The following CSMD1 variants were observed in gnomAD, a reference collection of about 807,000 sequenced individuals.
The protein encoded by CSMD1 is CUB and sushi domain-containing protein 1.
A neutral mutation model predicts 417.5 loss-of-function variants in CSMD1; 213 were observed. That is an observed-to-expected ratio of 0.51 (90% CI 0.46 to 0.57). CSMD1 has a LOEUF of 0.57. Among genes scored for constraint, CSMD1 ranks in the 20% least tolerant of loss-of-function variants. The pLI is 0.00. For synonymous variants in CSMD1, 2,862 were observed against 1,736.8 expected, an observed-to-expected ratio of 1.65 and a Z score of -16.11; for missense variants, 6,923 against 4,529.7, an observed-to-expected ratio of 1.53 and a Z score of -15.17.
chr8:4,937,925 T>A (rs1368581397), intron 1 of CSMD1, among the ~76,000 whole-genome samples: 1 of 152,196 alleles, frequency 6.6e-6, no homozygotes, highest in African/African-American at 2.4e-5. Flanking sequence ...GTCAGCTACC[T>A]ACTTATCTAA....
At chr8:4,831,166 G>C (rs1453578267) in intron 1 of CSMD1, among the ~76,000 whole-genome samples, 2 of 152,148 alleles carry the variant, frequency 1.3e-5, no homozygotes, top group Non-Finnish European at 2.9e-5. Context: ...AATGGACAAA[G>C]AATCTAGAAT....
At chr8:4,070,742 C>T (rs1218845910) in intron 3 of CSMD1, among the ~76,000 whole-genome samples, 2 of 152,142 alleles carry the variant, frequency 1.3e-5, no homozygotes, top group Non-Finnish European at 2.9e-5. Context: ...ACCATCTCAG[C>T]ATTTCCTCCA....
intron 7 of CSMD1, among the ~76,000 whole-genome samples, chr8:3,701,737 A>T (rs188737020): frequency 2.3e-4 from 35 of 152,302 alleles, no homozygotes; most frequent in African/African-American, 7.7e-4. Flanking sequence ...CTACAGTTAT[A>T]ATTACATCAT....
intron 11 of CSMD1, among the ~76,000 whole-genome samples, chr8:3,489,999 A>G (rs771713023): frequency 4.6e-5 from 7 of 152,174 alleles, no homozygotes; most frequent in Non-Finnish European, 8.8e-5. Flanking sequence ...CATTTCTCCA[A>G]TTAGATGATA....
intron 3 of CSMD1, among the ~76,000 whole-genome samples, chr8:4,084,064 A>G (rs1363799179): frequency 1.3e-5 from 2 of 152,248 alleles, no homozygotes; most frequent in Non-Finnish European, 2.9e-5. Flanking sequence ...GATCAAATGC[A>G]TCAATACATG....
chr8:3,234,988 C>G (rs1442409), intron 26 of CSMD1, among the ~76,000 whole-genome samples: 1 of 151,988 alleles, frequency 6.6e-6, no homozygotes, highest in Non-Finnish European at 1.5e-5. Flanking sequence ...TCTGAATGAA[C>G]TTCCCATCTT....
chr8:3,618,971 G>A (rs62473943), intron 7 of CSMD1, among the ~76,000 whole-genome samples: 4,190 of 152,180 alleles, frequency 0.028, 77 homozygotes, highest in Admixed American at 0.051. Context: ...CAGGTCAGAT[G>A]AGGAAGGGCG....
At chr8:4,938,488 A>G (rs1807768600) in intron 1 of CSMD1, among the ~76,000 whole-genome samples, 1 of 152,206 alleles carries the variant, frequency 6.6e-6, no homozygotes, top group African/African-American at 2.4e-5. Flanking sequence ...GTTTGACAAA[A>G]AACTGATCGA....
chr8:4,167,870 G>C (rs1006766377), intron 3 of CSMD1, among the ~76,000 whole-genome samples: 1 of 152,098 alleles, frequency 6.6e-6, no homozygotes, highest in Non-Finnish European at 1.5e-5. Context: ...GCTTAGGCCT[G>C]TAATCTCAGC....
At chr8:3,944,965 A>G (rs1811124938) in intron 5 of CSMD1, among the ~76,000 whole-genome samples, 1 of 152,204 alleles carries the variant, frequency 6.6e-6, no homozygotes, top group African/African-American at 2.4e-5. Flanking sequence ...GATGACAAAG[A>G]TATCTAATAA....
intron 55 of CSMD1, among the ~76,000 whole-genome samples, chr8:2,976,060 G>A (rs986062199): frequency 8.5e-5 from 13 of 152,180 alleles, no homozygotes; most frequent in Admixed American, 2.0e-4. Context: ...ATAATTTGAA[G>A]ACCGTAACAC....
At chr8:4,902,389 A>C (rs1804941494) in intron 1 of CSMD1, among the ~76,000 whole-genome samples, 1 of 149,676 alleles carries the variant, frequency 6.7e-6, no homozygotes, top group Non-Finnish European at 1.5e-5. Flanking sequence ...GTGACCCATG[A>C]TTGTGCCACT....
intron 6 of CSMD1, among the ~76,000 whole-genome samples, chr8:3,721,876 A>C (rs926360397): frequency 3.9e-5 from 6 of 152,178 alleles, no homozygotes; most frequent in African/African-American, 1.4e-4. Flanking sequence ...GCAGAGAATG[A>C]AGTGCCCGTT....
intron 23 of CSMD1, among the ~76,000 whole-genome samples, chr8:3,336,892 A>G (rs1185564164): frequency 1.3e-5 from 2 of 152,180 alleles, no homozygotes; most frequent in Non-Finnish European, 2.9e-5. Context: ...TCCTAGTCCA[A>G]CAAGCCTTCT....
intron 3 of CSMD1, among the ~76,000 whole-genome samples, chr8:4,070,520 G>C (rs895659977): frequency 6.6e-6 from 1 of 152,150 alleles, no homozygotes; most frequent in East Asian, 1.9e-4. Context: ...ACCACGGCCG[G>C]CTATTTTTTT....
chr8:3,865,497 G>C (rs371825165), intron 5 of CSMD1, among the ~76,000 whole-genome samples: 12 of 152,024 alleles, frequency 7.9e-5, no homozygotes, highest in African/African-American at 2.4e-4. Context: ...AATCAGAAAA[G>C]GGTGACAATA....
chr8:3,766,364 T>C (rs768044731), intron 5 of CSMD1, among the ~76,000 whole-genome samples: 1 of 152,142 alleles, frequency 6.6e-6, no homozygotes, highest in Non-Finnish European at 1.5e-5. Flanking sequence ...TCCAAGTCAG[T>C]GACCTGGAAA....
chr8:4,806,343 G>C (rs879611393), intron 1 of CSMD1, among the ~76,000 whole-genome samples: 1 of 152,154 alleles, frequency 6.6e-6, no homozygotes, highest in Non-Finnish European at 1.5e-5. Context: ...GGCTCTGTCA[G>C]TTTTCAGCGT....
At position 3,293,816 on chromosome 8, in the gene CSMD1, C is replaced by G. The variant is rs564421138; in HGVS notation, c.3951-9470G>C. Among the ~76,000 whole-genome samples, 13 of 152,322 alleles carry G rather than the reference C, an allele frequency of 8.5e-5. No individual in the cohort carries two copies. The East Asian group carries it at 2.1e-3, about 25-fold the overall frequency. On this transcript the variant is annotated intron_variant, in intron 25 of 69. Coordinates refer to ENST00000635120, the MANE Select transcript of CSMD1 (RefSeq NM_033225.6). ...GAGTAGTTTGATCATCTGAAGCCTT[C>G]TTCTCTCAACTTGTCAAAGTCATTC... is the stretch of plus-strand genomic sequence containing the variant.
Sources: gnomAD v4.1 joint callset for allele counts (sites outside exome capture counted in the v4.1 genomes callset) on GRCh38, gnomAD v4.1.1 for gene constraint, MANE v1.5 for transcripts, NCBI Gene and HGNC (gene_info 2026-07-23, HGNC 2026-07-21) for gene names.